Variants in GDAP1 observed in about 807,000 individuals in gnomAD.
GDAP1 encodes the protein ganglioside induced differentiation associated protein 1.
Under a neutral mutation model 40.1 loss-of-function variants are expected in GDAP1, and 34 were observed. That is an observed-to-expected ratio of 0.85 (90% CI 0.64 to 1.13). GDAP1 has a LOEUF of 1.13. GDAP1 is among the 50% of genes most tolerant of loss of function. GDAP1 has a pLI of 0.00. For synonymous variants in GDAP1, 170 were observed against 157.4 expected, an observed-to-expected ratio of 1.08 and a Z score of -0.60; for missense variants, 374 against 433.7, an observed-to-expected ratio of 0.86 and a Z score of 1.22.
intron 3 of GDAP1, among the ~76,000 whole-genome samples, chr8:74,360,873 A>G (rs538121082): frequency 2.0e-5 from 3 of 152,314 alleles, no homozygotes; most frequent in Non-Finnish European, 4.4e-5. Context: ...TATAGCAGAG[A>G]TAATTGGAGA....
At position 74,366,389 on chromosome 8, in the gene GDAP1, A is replaced by G; in HGVS notation, c.*2022A>G. On this transcript the variant is annotated 3_prime_UTR_variant, in exon 6 of 6. Coordinates refer to ENST00000220822, the MANE Select transcript of GDAP1 (RefSeq NM_018972.4). Reference sequence around the variant, plus strand: ...TAGTAATGACCTCAGTTTCTGAAATAAGGGCATCTTCATCAGATTATTCTT... The same window carrying G: ...TAGTAATGACCTCAGTTTCTGAAATGAGGGCATCTTCATCAGATTATTCTT... 1 of 454,490 alleles carries G rather than the reference A, an allele frequency of 2.2e-6. No individual in the cohort carries two copies. 28.2% of individuals were successfully genotyped at this position (454,490 alleles called of 1,614,324 possible).
rs1337308013 is a variant in GDAP1, at chr8:74,399,417, G to A, written c.165+48096G>A. On this transcript the variant is annotated intron_variant, in intron 2 of 2. Transcript: ENST00000523640. ...GATATCCCCTTTATCATTTTTTATT[G>A]TGTCTATTTGATTCTTCTCTCTTTT... Among the ~76,000 whole-genome samples, 3 of 149,450 alleles carry A rather than the reference G, an allele frequency of 2.0e-5. 1 individual carries two copies. The highest frequency in any genetic ancestry group is 7.7e-5 in the African/African-American group (3 of 38,870).
At chr8:74,352,652 C>A (rs1009589666) in intron 2 of GDAP1, among the ~76,000 whole-genome samples, 1 of 152,182 alleles carries the variant, frequency 6.6e-6, no homozygotes, top group African/African-American at 2.4e-5. Flanking sequence ...GTAGCTTTAG[C>A]GTAAACCAAA....
At chr8:74,396,531 G>A (rs1300662256) in intron 2 of GDAP1, among the ~76,000 whole-genome samples, 1 of 148,898 alleles carries the variant, frequency 6.7e-6, no homozygotes, top group Non-Finnish European at 1.5e-5. Flanking sequence ...ACAGTCCCCA[G>A]AGTGTGATGT....
At chr8:74,418,143 A>G (rs1365418840) in intron 2 of GDAP1, among the ~76,000 whole-genome samples, 1 of 152,210 alleles carries the variant, frequency 6.6e-6, no homozygotes, top group Non-Finnish European at 1.5e-5. Flanking sequence ...TGCCATTCCA[A>G]TCAAAATCCC....
chr8:74,418,350 T>A (rs974534280), intron 2 of GDAP1, among the ~76,000 whole-genome samples: 1 of 152,300 alleles, frequency 6.6e-6, no homozygotes, highest in East Asian at 1.9e-4. Flanking sequence ...TATGGGTCAA[T>A]TGAACAAAAC....
intron 2 of GDAP1, among the ~76,000 whole-genome samples, chr8:74,419,577 A>G (rs1805829843): frequency 6.6e-6 from 1 of 152,136 alleles, no homozygotes; most frequent in Non-Finnish European, 1.5e-5. Flanking sequence ...ACTAGACCCA[A>G]GAGAGCTATT....
At chr8:74,380,425 G>A (rs987172813) in intron 2 of GDAP1, among the ~76,000 whole-genome samples, 5 of 151,886 alleles carry the variant, frequency 3.3e-5, no homozygotes, top group African/African-American at 9.7e-5. Flanking sequence ...TGATAACACT[G>A]TGAGGCAAAA....
chr8:74,363,176 T>C (rs1159508365), intron 5 of GDAP1, 123 bp downstream of exon 5: 2 of 647,564 alleles, frequency 3.1e-6, no homozygotes, highest in African/African-American at 3.6e-5. Context: ...CAGGCAGTTT[T>C]AATTATGATA....
intron 2 of GDAP1, among the ~76,000 whole-genome samples, chr8:74,381,760 TA>T (rs59246526): frequency 0.43 from 61,544 of 141,740 alleles, 13,684 homozygotes; most frequent in East Asian, 0.59. Context: ...CATCTCAAAT[TA>T]AAAAAAAAAA....
rs1563446656 is a variant in GDAP1, at chr8:74,365,507, T to C, written c.*1140T>C. ...ATGGTTTGTGCTCAGAAAAAGTCTTTCATGGTGACAGGAAGACAGTTTCCC... is the reference window on the plus strand; with the variant it reads ...ATGGTTTGTGCTCAGAAAAAGTCTTCCATGGTGACAGGAAGACAGTTTCCC... On this transcript the variant is annotated 3_prime_UTR_variant, in exon 6 of 6. Transcript: ENST00000220822. 4.4e-6 allele frequency: 2 copies of C among 453,950 alleles called. No homozygotes were observed. Among genetic ancestry groups the C allele is most frequent in the African/African-American group, 4.0e-5 (2 of 49,922 alleles). 28.1% of individuals were successfully genotyped at this position (453,950 alleles called of 1,614,324 possible).
intron 2 of GDAP1, among the ~76,000 whole-genome samples, chr8:74,483,762 T>C (rs543096108): frequency 6.6e-6 from 1 of 152,318 alleles, no homozygotes; most frequent in Admixed American, 6.5e-5. Flanking sequence ...TCCAGTTATA[T>C]TGGAATAGCT....
intron 2 of GDAP1, among the ~76,000 whole-genome samples, chr8:74,435,467 T>C (rs1806077408): frequency 6.6e-6 from 1 of 152,206 alleles, no homozygotes; most frequent in African/African-American, 2.4e-5. Context: ...CTGTCTTTGC[T>C]TCTTACTTCA....
At chr8:74,394,225 G>A (rs566159982) in intron 2 of GDAP1, among the ~76,000 whole-genome samples, 4 of 152,260 alleles carry the variant, frequency 2.6e-5, no homozygotes, top group Non-Finnish European at 5.9e-5. Flanking sequence ...CAGATCTTAT[G>A]AGACTTATTC....
In GDAP1 at chr8:74,375,728, G is replaced by A. The variant is rs147054894; in HGVS notation, c.165+24407G>A. ...TTCCTTTTTATAGATCAGGAATAAG[G>A]CAAAGGTATTTACTGTCATCACTTC... On this transcript the variant is annotated intron_variant, in intron 2 of 2. Transcript: ENST00000523640. Among the ~76,000 whole-genome samples the A allele has an allele frequency of 7.6e-4, 116 of 152,244 alleles. 4 individuals carry two copies. In the East Asian group the frequency reaches 0.021, roughly 27 times the overall value.
chr8:74,358,974 G>T (rs1028146471), intron 2 of GDAP1, among the ~76,000 whole-genome samples: 1 of 152,182 alleles, frequency 6.6e-6, no homozygotes, highest in African/African-American at 2.4e-5. Flanking sequence ...AATTGTGATA[G>T]TTATTAGACC....
At chr8:74,353,326 C>T (rs933761272) in intron 2 of GDAP1, among the ~76,000 whole-genome samples, 3 of 152,106 alleles carry the variant, frequency 2.0e-5, no homozygotes, top group African/African-American at 7.2e-5. Flanking sequence ...CTGATGCTGC[C>T]ACTAACTTGT....
At chr8:74,380,600 A>T (rs1207172974) in intron 2 of GDAP1, among the ~76,000 whole-genome samples, 1 of 152,128 alleles carries the variant, frequency 6.6e-6, no homozygotes, top group Non-Finnish European at 1.5e-5. Context: ...TTTAAAAGCA[A>T]TTCTAAGGAT....
At position 74,429,404 on chromosome 8, in the gene GDAP1, A is replaced by G. The variant is rs188626370; in HGVS notation, c.166-59274A>G. Among the ~76,000 whole-genome samples, 960 of 152,332 alleles carry G rather than the reference A, an allele frequency of 6.3e-3. 2 individuals carry two copies. The highest frequency in any genetic ancestry group is 9.7e-3 in the South Asian group (47 of 4,828). On this transcript the variant is annotated intron_variant, in intron 2 of 2. Transcript: ENST00000523640. Reference sequence around the variant, plus strand: ...AAAAATTCACCCTTCAAAATAGTATATGTAATATTATTAATTTGTTAAGGC... The same window carrying G: ...AAAAATTCACCCTTCAAAATAGTATGTGTAATATTATTAATTTGTTAAGGC...
Sources: allele counts gnomAD v4.1 joint callset (sites outside exome capture counted in the v4.1 genomes callset), GRCh38; gene constraint gnomAD v4.1.1; transcripts MANE v1.5; gene names NCBI Gene and HGNC (gene_info 2026-07-23, HGNC 2026-07-21).